The following DOK5 variants were observed in gnomAD, a reference collection of about 807,000 sequenced individuals.
DOK5 encodes the protein docking protein 5, also known as downstream of tyrosine kinase 5.
Under a neutral mutation model 43.3 loss-of-function variants are expected in DOK5, and 27 were observed. The ratio of observed to expected loss-of-function variants is 0.62; its 90% confidence interval spans 0.46 to 0.86. The LOEUF is 0.86. Ranked by LOEUF, DOK5 falls within the 40% of genes least tolerant of loss-of-function variation. The probability of loss-of-function intolerance (pLI) is 0.00; values close to 1 mark genes in which losing one functional copy is unlikely to be tolerated. For synonymous variants in DOK5, 146 were observed against 140.1 expected (o/e 1.04, Z -0.30); for missense variants, 373 against 392.9 (o/e 0.95, Z 0.43).
chr20:54,588,849 C>T (rs1265034473), intron 4 of DOK5, 43 bp downstream of exon 4: 2 of 1,607,002 alleles, frequency 1.2e-6, no homozygotes, highest in Admixed American at 1.7e-5. Context: ...AAAACTGCTT[C>T]TGTCTCCATA....
intron 6 of DOK5, among the ~76,000 whole-genome samples, chr20:54,632,110 C>T (rs1450273590): frequency 1.3e-5 from 2 of 152,230 alleles, no homozygotes; most frequent in Non-Finnish European, 2.9e-5. Context: ...TGTAAACTCC[C>T]TGCAGGGGTC....
intron 1 of DOK5, among the ~76,000 whole-genome samples, chr20:54,534,644 G>C (rs559807603): frequency 6.6e-6 from 1 of 152,280 alleles, no homozygotes; most frequent in Admixed American, 6.5e-5. Context: ...GAAATACTTA[G>C]TTGAATACCT....
At chr20:54,523,261 T>C (rs937314128) in intron 1 of DOK5, among the ~76,000 whole-genome samples, 1 of 152,180 alleles carries the variant, frequency 6.6e-6, no homozygotes, top group Non-Finnish European at 1.5e-5. Context: ...ATTACAACTA[T>C]TAATTAAATA....
intron 1 of DOK5, among the ~76,000 whole-genome samples, chr20:54,528,701 A>C (rs529111648): frequency 6.6e-6 from 1 of 152,320 alleles, no homozygotes; most frequent in East Asian, 1.9e-4. Flanking sequence ...TGTACTGCCA[A>C]ATAAAAAGAG....
At chr20:54,614,712 T>G (rs1986752793) in intron 6 of DOK5, among the ~76,000 whole-genome samples, 1 of 152,202 alleles carries the variant, frequency 6.6e-6, no homozygotes, top group South Asian at 2.1e-4. Flanking sequence ...TTCTATAAAA[T>G]AAATGTGATT....
chr20:54,559,585 G>A (rs1006845680), intron 2 of DOK5, among the ~76,000 whole-genome samples: 1 of 152,210 alleles, frequency 6.6e-6, no homozygotes, highest in Non-Finnish European at 1.5e-5. Context: ...CAACGTTTAT[G>A]GCCCCATCTT....
intron 2 of DOK5, among the ~76,000 whole-genome samples, chr20:54,570,864 T>G (rs1985261174): frequency 6.6e-6 from 1 of 152,234 alleles, no homozygotes; most frequent in South Asian, 2.1e-4. Context: ...AATTGAATTG[T>G]GTAATTTGCA....
chr20:54,604,607 T>C (rs938211943), intron 5 of DOK5, among the ~76,000 whole-genome samples: 2 of 152,228 alleles, frequency 1.3e-5, no homozygotes, highest in Non-Finnish European at 1.5e-5. Context: ...GTGTAACAAG[T>C]ACCTTATTCT....
chr20:54,574,946 CTCA>C (rs1433099308), intron 2 of DOK5, among the ~76,000 whole-genome samples: 1 of 152,164 alleles, frequency 6.6e-6, no homozygotes, highest in Non-Finnish European at 1.5e-5. Context: ...CAAGCTGAGC[CTCA>C]TTCATGGAGG....
intron 6 of DOK5, among the ~76,000 whole-genome samples, chr20:54,626,565 C>A (rs1266945559): frequency 6.6e-6 from 1 of 152,034 alleles, no homozygotes; most frequent in Non-Finnish European, 1.5e-5. Context: ...GCATTTTCCC[C>A]CTCCTGTCTC....
At chr20:54,645,773 A>G (rs1979381303) in intron 7 of DOK5, among the ~76,000 whole-genome samples, 3 of 152,112 alleles carry the variant, frequency 2.0e-5, no homozygotes, top group Non-Finnish European at 4.4e-5. Context: ...TTCTATCTTT[A>G]TCATTTTATC....
At chr20:54,509,024 A>C (rs536659903) in intron 1 of DOK5, among the ~76,000 whole-genome samples, 55 of 150,854 alleles carry the variant, frequency 3.6e-4, no homozygotes, top group Non-Finnish European at 6.5e-4. Context: ...TTACAGGCAC[A>C]CGCCACCCCA....
intron 5 of DOK5, among the ~76,000 whole-genome samples, chr20:54,593,584 C>G (rs756874389): frequency 2.0e-5 from 3 of 152,100 alleles, no homozygotes; most frequent in Non-Finnish European, 4.4e-5. Context: ...CCAAGCACTT[C>G]GGGAGGCCAA....
chr20:54,623,661 C>A (rs1335603952), intron 6 of DOK5, among the ~76,000 whole-genome samples: 2 of 152,054 alleles, frequency 1.3e-5, no homozygotes, highest in Admixed American at 6.5e-5. Context: ...CTCAATGCAA[C>A]CTCCATCTCC....
intron 1 of DOK5, among the ~76,000 whole-genome samples, chr20:54,536,456 C>T (rs796406209): frequency 3.9e-5 from 6 of 152,314 alleles, no homozygotes; most frequent in African/African-American, 1.4e-4. Context: ...TTTTCTTACT[C>T]CTCTCGCTGA....
chr20:54,609,189 G>A (rs529706348), intron 5 of DOK5, among the ~76,000 whole-genome samples: 1 of 152,130 alleles, frequency 6.6e-6, no homozygotes, highest in East Asian at 1.9e-4. Flanking sequence ...AATAACAGTG[G>A]TTTAGGCTGA....
At chr20:54,536,469 C>G (rs1453434670) in intron 1 of DOK5, among the ~76,000 whole-genome samples, 1 of 152,174 alleles carries the variant, frequency 6.6e-6, no homozygotes, top group Admixed American at 6.5e-5. Flanking sequence ...CTCGCTGAGA[C>G]TATAAAGCTG....
intron 2 of DOK5, among the ~76,000 whole-genome samples, chr20:54,587,655 G>A (rs1985849489): frequency 6.6e-6 from 1 of 152,130 alleles, no homozygotes; most frequent in African/African-American, 2.4e-5. Context: ...GATGACCACT[G>A]TGGAAATATA....
intron 6 of DOK5, among the ~76,000 whole-genome samples, chr20:54,621,063 T>A (rs1401910049): frequency 6.6e-6 from 1 of 152,078 alleles, no homozygotes; most frequent in Non-Finnish European, 1.5e-5. Context: ...CATATCAACG[T>A]GTGTAAAGGA....
Sources: gnomAD v4.1 joint callset for allele counts (sites outside exome capture counted in the v4.1 genomes callset) on GRCh38, gnomAD v4.1.1 for gene constraint, MANE v1.5 for transcripts, NCBI Gene and HGNC (gene_info 2026-07-23, HGNC 2026-07-21) for gene names.